Variants in SH3PXD2A observed in about 807,000 individuals in gnomAD.
SH3PXD2A encodes SH3 and PX domain-containing protein 2A.
SH3PXD2A carries 32 observed loss-of-function variants against 115.2 expected under a neutral mutation model. The observed-to-expected ratio is 0.28, with a 90% CI of 0.21 to 0.37. The LOEUF is 0.37. Ranked by LOEUF, SH3PXD2A falls within the 10% of genes least tolerant of loss-of-function variation. SH3PXD2A has a pLI of 1.00. For missense variants in SH3PXD2A, 1,328 were observed against 1,498.7 expected, an observed-to-expected ratio of 0.89 and a Z score of 1.88; for synonymous variants, 610 against 629.1, an observed-to-expected ratio of 0.97 and a Z score of 0.45.
Position 103,602,507 on chromosome 10 carries a change from G to T in SH3PXD2A, c.2711C>A (p.Pro904His), listed in dbSNP as rs199832355. Residue 904 changes from proline to histidine, a missense_variant, in exon 15 of 15, where the codon CCC becomes CAC. Physicochemically the swap from Pro to His is moderately conservative, Grantham distance 77. This residue lies in a region of SH3PXD2A where 574 missense variants were observed against 565.7 expected (regional missense o/e 1.01). Transcript: ENST00000369774. ...LVLDENEQPDPSGKELDTVPA... is the reference protein window; with the variant it reads ...LVLDENEQPDHSGKELDTVPA... ...CACTGTGTCCAGCTCTTTGCCAGAG[G>T]GGTCAGGTTGCTCGTTCTCATCCAG... 1.2e-6 allele frequency: 2 copies of T among 1,614,030 alleles called. No homozygotes were observed. The highest frequency in any genetic ancestry group is 1.7e-6 in the Non-Finnish European group (2 of 1,180,010).
chr10:103,679,082 C>A (rs926581709), intron 6 of SH3PXD2A, among the ~76,000 whole-genome samples: 5 of 152,148 alleles, frequency 3.3e-5, no homozygotes, highest in Non-Finnish European at 5.9e-5. Context: ...CCCAGCTGAC[C>A]CATTTAGAAA....
chr10:103,684,933 T>C (rs1200012151), intron 6 of SH3PXD2A, among the ~76,000 whole-genome samples: 1 of 152,020 alleles, frequency 6.6e-6, no homozygotes, highest in African/African-American at 2.4e-5. Flanking sequence ...GGTGAGAGGA[T>C]TGCTTGAAGC....
rs994849631 is a variant in SH3PXD2A at position 103,855,181 on chromosome 10, G to A, written c.72+14C>T. 28 of 1,522,754 alleles carry A rather than the reference G, an allele frequency of 1.8e-5. No homozygotes were observed. The South Asian group carries it at 3.1e-4, about 17-fold the overall frequency. The allele number at this position is 1,522,754 out of a possible 1,614,324, so 94.3% of individuals were successfully genotyped here. A position where few individuals can be genotyped will look rare whatever the true frequency, so the allele number is the denominator to read the frequency against. On this transcript the variant is annotated intron_variant, in intron 1 of 14. Transcript: ENST00000369774. ...CGGGCCACCCCCAGCAGGGTCGGCG[G>A]GGGCTGTACTCACGTAGTGCTTGGA...
chr10:103,611,528 T>C lies in SH3PXD2A; in HGVS notation c.1308+53A>G, dbSNP rs1202000256. 8 of 1,483,238 alleles carry C rather than the reference T, an allele frequency of 5.4e-6. No individual in the cohort carries two copies. The Admixed American group carries it at 8.4e-5, about 15-fold the overall frequency. The allele number at this position is 1,483,238 out of a possible 1,614,324, so 91.9% of individuals were successfully genotyped here. A position where few individuals can be genotyped will look rare whatever the true frequency, so the allele number is the denominator to read the frequency against. On this transcript the variant is annotated intron_variant, in intron 13 of 14. Transcript: ENST00000369774. ...AGATAGCCAATTGATCGGGTGGCTA[T>C]AGCGCATTCACAGAAAAGGAAGGAA...
chr10:103,706,732 G>A (rs1056659227), intron 5 of SH3PXD2A, among the ~76,000 whole-genome samples: 1 of 152,132 alleles, frequency 6.6e-6, no homozygotes, highest in African/African-American at 2.4e-5. Context: ...ACCATCCCGA[G>A]CATCCTCCAC....
chr10:103,815,072 G>C (rs1247062145), intron 1 of SH3PXD2A, among the ~76,000 whole-genome samples: 7 of 152,284 alleles, frequency 4.6e-5, no homozygotes, highest in African/African-American at 1.7e-4. Flanking sequence ...AAATAGATGA[G>C]AGACCTAAAT....
chr10:103,711,556 C>T (rs888276940), intron 5 of SH3PXD2A, among the ~76,000 whole-genome samples: 2 of 152,158 alleles, frequency 1.3e-5, no homozygotes, highest in African/African-American at 2.4e-5. Context: ...CCGGGAGGGC[C>T]AGGCAGACCT....
chr10:103,678,620 G>GA (rs2037571209), intron 6 of SH3PXD2A, among the ~76,000 whole-genome samples: 6 of 152,202 alleles, frequency 3.9e-5, no homozygotes, highest in Admixed American at 3.9e-4. Flanking sequence ...CTTGACCTGG[G>GA]ATGTGAAAGG....
chr10:103,658,764 C>T (rs1290239079), intron 8 of SH3PXD2A, among the ~76,000 whole-genome samples: 2 of 152,218 alleles, frequency 1.3e-5, no homozygotes, highest in African/African-American at 4.8e-5. Flanking sequence ...CTACCCGACA[C>T]CTTGAGTCCC....
chr10:103,818,373 T>A (rs1256738201), intron 1 of SH3PXD2A, among the ~76,000 whole-genome samples: 1 of 152,202 alleles, frequency 6.6e-6, no homozygotes, highest in Non-Finnish European at 1.5e-5. Context: ...AGTGATCACA[T>A]TGCCCATCAC....
intron 1 of SH3PXD2A, among the ~76,000 whole-genome samples, chr10:103,835,396 A>G (rs1347598327): frequency 1.3e-5 from 2 of 152,218 alleles, no homozygotes; most frequent in African/African-American, 4.8e-5. Context: ...CCAGGAATCC[A>G]GACTGGGAAG....
At chr10:103,633,415 G>GAAAAAC (rs771244070) in intron 8 of SH3PXD2A, among the ~76,000 whole-genome samples, 3 of 151,292 alleles carry the variant, frequency 2.0e-5, no homozygotes, top group Non-Finnish European at 4.4e-5. Flanking sequence ...GACTCTGTCT[G>GAAAAAC]AAAAACAAAA....
Position 103,834,542 on chromosome 10 carries a change from C to T in SH3PXD2A, c.72+20653G>A, listed in dbSNP as rs1397292643. On this transcript the variant is annotated intron_variant, in intron 1 of 14. Coordinates refer to ENST00000369774, the MANE Select transcript of SH3PXD2A (RefSeq NM_001394015.1). ...ATATACTAAAAACTCTGGAATCATA[C>T]TCTTTAAGTGAATTGGTCCTATGGT... Among the ~76,000 whole-genome samples the T allele has an allele frequency of 3.9e-5, 6 of 152,208 alleles. No individual in the cohort carries two copies. In the South Asian group the frequency reaches 1.0e-3, roughly 26 times the overall value.
chr10:103,854,513 A>C (rs1842922750), intron 1 of SH3PXD2A, among the ~76,000 whole-genome samples: 1 of 152,124 alleles, frequency 6.6e-6, no homozygotes, highest in African/African-American at 2.4e-5. Flanking sequence ...CTCGGAGACC[A>C]CAGCAAACAT....
intron 5 of SH3PXD2A, among the ~76,000 whole-genome samples, chr10:103,696,950 T>G (rs2037832153): frequency 6.6e-6 from 1 of 150,804 alleles, no homozygotes; most frequent in Non-Finnish European, 1.5e-5. Flanking sequence ...AGGGGTGGAG[T>G]TCCTCCAACC....
At chr10:103,730,035 G>T (rs1479869827) in intron 4 of SH3PXD2A, among the ~76,000 whole-genome samples, 2 of 152,218 alleles carry the variant, frequency 1.3e-5, no homozygotes, top group African/African-American at 2.4e-5. Flanking sequence ...AAGTGGCACA[G>T]GAGGGGGCCC....
At chr10:103,663,170 A>G (rs1282950343) in intron 7 of SH3PXD2A, among the ~76,000 whole-genome samples, 1 of 152,190 alleles carries the variant, frequency 6.6e-6, no homozygotes, top group East Asian at 1.9e-4. Context: ...TGGCTACAAA[A>G]ATTGCTGAGG....
intron 5 of SH3PXD2A, 50 bp from the exon 6 acceptor site, chr10:103,693,106 GCGGGGCTGCAGCTGCAGGGGCGCCCT>G: frequency 6.4e-7 from 1 of 1,574,126 alleles, no homozygotes; most frequent in South Asian, 1.1e-5. Context: ...GGGCGCGAGC[GCGGGGCTGCAGCTGCAGGGGCGCCCT>G]CGGGCTGGCT....
At chr10:103,757,695 G>A (rs2038657656) in intron 3 of SH3PXD2A, among the ~76,000 whole-genome samples, 1 of 152,206 alleles carries the variant, frequency 6.6e-6, no homozygotes, top group Non-Finnish European at 1.5e-5. Context: ...AGACCTGGAG[G>A]GTCTGCAGCT....
Sources: allele counts gnomAD v4.1 joint callset (sites outside exome capture counted in the v4.1 genomes callset), GRCh38; gene constraint gnomAD v4.1.1; regional missense constraint gnomAD v4.1.1; transcripts MANE v1.5; gene names NCBI Gene and HGNC (gene_info 2026-07-23, HGNC 2026-07-21).